The following DOCK1 variants were observed in gnomAD, a reference collection of about 807,000 sequenced individuals.
DOCK1 encodes the protein dedicator of cytokinesis protein 1.
A neutral mutation model predicts 262.7 loss-of-function variants in DOCK1; 138 were observed. The ratio of observed to expected loss-of-function variants is 0.53; its 90% CI spans 0.46 to 0.61. DOCK1 has a LOEUF of 0.61. DOCK1 is among the 20% of genes least tolerant of loss of function. The pLI is 0.00. For missense variants in DOCK1, 1,908 were observed against 2,370.7 expected, an observed-to-expected ratio of 0.80 and a Z score of 4.05; for synonymous variants, 866 against 867.4, an observed-to-expected ratio of 1.00 and a Z score of 0.03.
chr10:127,253,871 T>A (rs1375958799), intron 28 of DOCK1, among the ~76,000 whole-genome samples: 13 of 27,134 alleles, frequency 4.8e-4, no homozygotes, highest in African/African-American at 1.0e-3. Flanking sequence ...TGAGACCCTG[T>A]CTCAAAAAAA....
Position 127,419,707 on chromosome 10 carries a change from C to A in DOCK1, c.4734C>A (p.Ala1578=). The A allele has an allele frequency of 6.2e-7, 1 of 1,605,762 alleles. No individual in the cohort carries two copies. The highest frequency in any genetic ancestry group is 2.2e-5 in the East Asian group (1 of 44,590). ...GGTACCTGCAGGAGCACCCTGAGGC[C>A]CATGAAAAGATCGAGAAGCTCAAGG... is the stretch of plus-strand genomic sequence containing the variant. The part of the protein sequence containing the change: ...TDRYLQEHPE[A]HEKIEKLKDL... The change falls in exon 46 of 52, where the codon GCC becomes GCA. Residue 1578 remains alanine (A), a synonymous_variant. Transcript: ENST00000623213.
chr10:127,298,447 G>C (rs1371711749), intron 29 of DOCK1, among the ~76,000 whole-genome samples: 1 of 152,194 alleles, frequency 6.6e-6, no homozygotes, highest in Non-Finnish European at 1.5e-5. Flanking sequence ...GGTTCAGTTA[G>C]GAGGGAGTTT....
At chr10:127,388,385 T>C (rs914054574) in intron 38 of DOCK1, among the ~76,000 whole-genome samples, 2 of 152,212 alleles carry the variant, frequency 1.3e-5, no homozygotes, top group Non-Finnish European at 2.9e-5. Context: ...CTTATCCCTC[T>C]AAAACTAAAG....
rs765423722 is a variant in DOCK1, at chr10:127,176,420, CA to C, written c.2847+48657del. ...TGGTTCCTGCATTCAGAAACAGCAA[CA>C]GAGGTGTCAGTGGGACAGAAATACA... On this transcript the variant is annotated intron_variant, in intron 27 of 51. Transcript: ENST00000623213. The surrounding 1 kb of genome is among the most constrained non-coding windows in gnomAD (Gnocchi z 4.4). The C allele has an allele frequency of 2.6e-6, 4 of 1,568,498 alleles. No homozygotes were observed. Among genetic ancestry groups the C allele is most frequent in the Non-Finnish European group, 3.5e-6 (4 of 1,156,962 alleles).
At chr10:127,028,992 C>G (rs17771211) in intron 16 of DOCK1, among the ~76,000 whole-genome samples, 1 of 152,174 alleles carries the variant, frequency 6.6e-6, no homozygotes, top group African/African-American at 2.4e-5. Context: ...ATTACGCTCC[C>G]GTCTTTTAAC....
At chr10:126,941,141 G>A (rs1299437729) in intron 1 of DOCK1, among the ~76,000 whole-genome samples, 1 of 152,144 alleles carries the variant, frequency 6.6e-6, no homozygotes, top group Non-Finnish European at 1.5e-5. Context: ...TGGTTTATCT[G>A]CCGTGCAGTG....
At chr10:127,377,674 T>C (rs142678966) in intron 35 of DOCK1, among the ~76,000 whole-genome samples, 8,427 of 152,114 alleles carry the variant, frequency 0.055, 342 homozygotes, top group Middle Eastern at 0.092. Context: ...GGAGGATCAC[T>C]TGAGGTCAGG....
chr10:126,924,792 A>C (rs1267553783), intron 1 of DOCK1, among the ~76,000 whole-genome samples: 1 of 152,208 alleles, frequency 6.6e-6, no homozygotes, highest in Non-Finnish European at 1.5e-5. Context: ...ACAGGCACTT[A>C]AAGGTGGGAT....
chr10:127,334,711 C>A (rs1029631947), intron 29 of DOCK1, among the ~76,000 whole-genome samples: 3 of 152,060 alleles, frequency 2.0e-5, no homozygotes, highest in African/African-American at 7.2e-5. Context: ...ATAATCCTTC[C>A]TTAGATTTTG....
chr10:127,312,806 A>ACTCC (rs1554945956), intron 29 of DOCK1, among the ~76,000 whole-genome samples: 1 of 122,858 alleles, frequency 8.1e-6, no homozygotes, highest in Admixed American at 8.7e-5. Context: ...CACAGCCATC[A>ACTCC]CTCCCTCCCT....
chr10:127,054,458 T>A (rs934809360), intron 22 of DOCK1, among the ~76,000 whole-genome samples: 1 of 152,208 alleles, frequency 6.6e-6, no homozygotes, highest in African/African-American at 2.4e-5. Context: ...TTTTGCTTAT[T>A]ATGGATATGC....
Position 127,016,858 on chromosome 10 carries a change from AAC to A in DOCK1, c.1202-1842_1202-1841del, listed in dbSNP as rs1214157424. On this transcript the variant is annotated intron_variant, in intron 12 of 51. Coordinates refer to ENST00000623213, the MANE Select transcript of DOCK1 (RefSeq NM_001290223.2). Reference sequence around the variant, plus strand: ...CACATACACACACACAGATACCATAAACACACACACAGATACACCACAAACAC... The same window carrying A: ...CACATACACACACACAGATACCATAAACACACACAGATACACCACAAACAC... 6.5e-5 allele frequency among the ~76,000 whole-genome samples: 8 copies of A among 123,172 alleles called. No homozygotes were observed. The East Asian group carries it at 1.2e-3, about 19-fold the overall frequency. The allele number at this position is 123,172 out of a possible 152,430, so 80.8% of individuals were successfully genotyped here.
chr10:127,252,979 C>G (rs1238300376), intron 28 of DOCK1, among the ~76,000 whole-genome samples: 1 of 152,106 alleles, frequency 6.6e-6, no homozygotes, highest in Non-Finnish European at 1.5e-5. Context: ...TACAAAATCA[C>G]ACTTACTATC....
At position 127,232,818 on chromosome 10, in the gene DOCK1, C is replaced by T. The variant is rs75630614; in HGVS notation, c.2848-15190C>T. ...AGATAATTAGCTTGTGAAAAACATA[C>T]TCAGTTTTACAAACAAGTTGTGATT... On this transcript the variant is annotated intron_variant, in intron 27 of 51. Coordinates refer to ENST00000623213, the MANE Select transcript of DOCK1 (RefSeq NM_001290223.2). 6.1e-3 allele frequency among the ~76,000 whole-genome samples: 928 copies of T among 152,310 alleles called. 12 individuals carry two copies. Among genetic ancestry groups the T allele is most frequent in the Non-Finnish European group, 8.6e-3 (584 of 68,032 alleles).
At chr10:126,981,300 T>G (rs2038958082) in intron 3 of DOCK1, among the ~76,000 whole-genome samples, 1 of 152,216 alleles carries the variant, frequency 6.6e-6, no homozygotes, top group South Asian at 2.1e-4. Flanking sequence ...AGGCTGAATG[T>G]CCTGTTGAGA....
chr10:127,381,446 G>T (rs2065818931), intron 37 of DOCK1, 78 bp downstream of exon 37: 4 of 1,337,526 alleles, frequency 3.0e-6, no homozygotes, highest in South Asian at 1.5e-5. Context: ...TTTTTCCATG[G>T]CAAATTTTAG....
intron 29 of DOCK1, among the ~76,000 whole-genome samples, chr10:127,291,208 C>A (rs569232831): frequency 6.6e-6 from 1 of 152,308 alleles, no homozygotes; most frequent in Admixed American, 6.5e-5. Flanking sequence ...GCTCACCGTG[C>A]TTAAGTGTCA....
chr10:127,108,369 T>C (rs1252640780), intron 24 of DOCK1, among the ~76,000 whole-genome samples: 2 of 152,036 alleles, frequency 1.3e-5, no homozygotes, highest in Non-Finnish European at 2.9e-5. Flanking sequence ...GGACAGATCA[T>C]GAGGTCAGGA....
At chr10:127,425,852 T>A (rs375236487) in intron 46 of DOCK1, 22 bp from the exon 47 acceptor site, 2 of 1,613,850 alleles carry the variant, frequency 1.2e-6, no homozygotes, top group Non-Finnish European at 1.7e-6. Context: ...AAATAAGGAA[T>A]GTCAACCTCT....
Sources: gnomAD v4.1 joint callset for allele counts (sites outside exome capture counted in the v4.1 genomes callset) on GRCh38, gnomAD v4.1.1 for gene constraint, Gnocchi (gnomAD v3.1) non-coding constraint, MANE v1.5 for transcripts, NCBI Gene and HGNC (gene_info 2026-07-23, HGNC 2026-07-21) for gene names.